FGF2: variants seen among roughly 807,000 people sequenced by gnomAD.
The protein encoded by FGF2 is basic fibroblast growth factor bFGF.
Under a neutral mutation model 15.9 loss-of-function variants are expected in FGF2, and 13 were observed. The observed-to-expected ratio is 0.82, with a 90% CI of 0.53 to 1.30. The LOEUF is 1.30. FGF2 is among the 50% of genes most tolerant of loss of function. The pLI is 0.00. For missense variants in FGF2, 163 were observed against 196.9 expected (o/e 0.83, Z 1.03); for synonymous variants, 90 against 78.4 (o/e 1.15, Z -0.78).
intron 2 of FGF2, among the ~76,000 whole-genome samples, chr4:122,890,994 T>C (rs1727162612): frequency 6.6e-6 from 1 of 151,854 alleles, no homozygotes; most frequent in African/African-American, 2.4e-5. Context: ...AGTGCTACCC[T>C]GTGAAGTTGC....
chr4:122,894,334 T>TA lies in FGF2; in HGVS notation c.*1939dup, dbSNP rs1475960483. The TA allele has an allele frequency of 6.6e-6, 1 of 152,350 alleles. No homozygotes were observed. Among genetic ancestry groups the TA allele is most frequent in the African/African-American group, 2.4e-5 (1 of 41,456 alleles). The allele number at this position is 152,350 out of a possible 1,614,324, so 9.4% of individuals were successfully genotyped here. A position where few individuals can be genotyped will look rare whatever the true frequency, so the allele number is the denominator to read the frequency against. On this transcript the variant is annotated 3_prime_UTR_variant, in exon 3 of 3. Transcript: ENST00000644866. Reference sequence around the variant, plus strand: ...GGCCGGGTGCAGTGGCTCATGCCTATATTCCCTGCACTTTGGGAGGCCAAA... The same window carrying TA: ...GGCCGGGTGCAGTGGCTCATGCCTATAATTCCCTGCACTTTGGGAGGCCAAA...
intron 1 of FGF2, among the ~76,000 whole-genome samples, chr4:122,843,855 A>G (rs770010525): frequency 2.0e-5 from 3 of 152,214 alleles, no homozygotes; most frequent in Non-Finnish European, 4.4e-5. Context: ...AAAAATGCTA[A>G]TGATCATCTG....
At chr4:122,832,951 C>T (rs891343255) in intron 1 of FGF2, among the ~76,000 whole-genome samples, 1 of 152,200 alleles carries the variant, frequency 6.6e-6, no homozygotes, top group African/African-American at 2.4e-5. Flanking sequence ...GGGGAACTCA[C>T]CCTTTGAGCC....
Position 122,827,076 on chromosome 4 carries a change from G to A in FGF2, c.-99G>A. ...GCTGGGGGGCCGGGGCCGGGGCCGT[G>A]CCCCGGAGCGGGTCGGAGGCCGGGG... On this transcript the variant is annotated 5_prime_UTR_variant, in exon 1 of 3. Transcript: ENST00000644866. This position sits in a 1 kb window ranked among gnomAD's most constrained non-coding sequence, Gnocchi z 4.2. 8.8e-7 allele frequency: 1 copy of A among 1,135,646 alleles called. No individual in the cohort carries two copies. The highest frequency in any genetic ancestry group is 1.1e-6 in the Non-Finnish European group (1 of 927,474). The allele number at this position is 1,135,646 out of a possible 1,614,324, so 70.3% of individuals were successfully genotyped here.
chr4:122,880,356 C>T (rs944906772), intron 2 of FGF2, among the ~76,000 whole-genome samples: 2 of 151,458 alleles, frequency 1.3e-5, no homozygotes, highest in African/African-American at 4.9e-5. Context: ...ACGCCATTCT[C>T]CTGCCTCAGC....
chr4:122,827,812 C>G lies in FGF2; in HGVS notation c.178+460C>G, dbSNP rs915134265. 6.6e-6 allele frequency among the ~76,000 whole-genome samples: 1 copy of G among 152,212 alleles called. No individual in the cohort carries two copies. The highest frequency in any genetic ancestry group is 6.5e-5 in the Admixed American group (1 of 15,286). On this transcript the variant is annotated intron_variant, in intron 1 of 2. Transcript: ENST00000644866. This position sits in a 1 kb window ranked among gnomAD's most constrained non-coding sequence, Gnocchi z 4.2. ...CTAGAGTCCTGCCCTTAAATTCCGA[C>G]TCGGGACGACCCGAGGCATATGGCA...
intron 1 of FGF2, among the ~76,000 whole-genome samples, chr4:122,856,024 C>T (rs1299636399): frequency 4.6e-5 from 7 of 152,032 alleles, no homozygotes; most frequent in Non-Finnish European, 7.4e-5. Flanking sequence ...AGCCCACAGA[C>T]CATATGTGTC....
chr4:122,835,818 T>A (rs2150763193), intron 1 of FGF2, among the ~76,000 whole-genome samples: 1 of 152,326 alleles, frequency 6.6e-6, no homozygotes, highest in African/African-American at 2.4e-5. Context: ...CATACCTTCC[T>A]GAAGCTGTAG....
intron 2 of FGF2, among the ~76,000 whole-genome samples, chr4:122,889,261 A>C (rs1727120185): frequency 6.6e-6 from 1 of 152,228 alleles, no homozygotes; most frequent in South Asian, 2.1e-4. Context: ...CTCAGCTCTT[A>C]GGCCTATATA....
intron 1 of FGF2, among the ~76,000 whole-genome samples, chr4:122,839,952 C>T (rs1049900336): frequency 3.9e-5 from 6 of 152,168 alleles, no homozygotes; most frequent in Admixed American, 3.3e-4. Flanking sequence ...CTTGGCTTGT[C>T]GATGGCCACT....
intron 2 of FGF2, among the ~76,000 whole-genome samples, chr4:122,879,181 A>G (rs1435607253): frequency 6.6e-6 from 1 of 152,174 alleles, no homozygotes; most frequent in South Asian, 2.1e-4. Flanking sequence ...CTGCCAATCT[A>G]TTGTCAGCTC....
intron 2 of FGF2, among the ~76,000 whole-genome samples, chr4:122,878,584 G>A (rs1385100811): frequency 1.3e-5 from 2 of 152,158 alleles, no homozygotes; most frequent in Admixed American, 6.5e-5. Context: ...GCAGTGGAGA[G>A]CCATGAAGAG....
At chr4:122,879,762 C>G (rs1046261532) in intron 2 of FGF2, among the ~76,000 whole-genome samples, 2 of 152,196 alleles carry the variant, frequency 1.3e-5, no homozygotes, top group Non-Finnish European at 2.9e-5. Flanking sequence ...GCAGAGAGAG[C>G]TTGTGCAGGG....
At chr4:122,884,069 A>G (rs1727011412) in intron 2 of FGF2, among the ~76,000 whole-genome samples, 1 of 152,256 alleles carries the variant, frequency 6.6e-6, no homozygotes, top group Non-Finnish European at 1.5e-5. Flanking sequence ...CAGTAATTGA[A>G]GAGGAATATA....
chr4:122,873,857 A>T (rs547879132), intron 1 of FGF2, among the ~76,000 whole-genome samples: 230 of 152,326 alleles, frequency 1.5e-3, no homozygotes, highest in African/African-American at 5.3e-3. Context: ...AGAATCTTAC[A>T]TGTAATGCTT....
At chr4:122,845,050 C>T (rs988671523) in intron 1 of FGF2, among the ~76,000 whole-genome samples, 2 of 152,222 alleles carry the variant, frequency 1.3e-5, no homozygotes, top group Non-Finnish European at 2.9e-5. Flanking sequence ...GTAGAAATTA[C>T]TTCTTGAACC....
chr4:122,839,998 C>T (rs1401050760), intron 1 of FGF2, among the ~76,000 whole-genome samples: 2 of 152,178 alleles, frequency 1.3e-5, no homozygotes, highest in Admixed American at 6.6e-5. Flanking sequence ...TTCCACTGTG[C>T]TTGTGTCTCT....
At chr4:122,862,467 G>A (rs973314225) in intron 1 of FGF2, among the ~76,000 whole-genome samples, 10 of 152,130 alleles carry the variant, frequency 6.6e-5, no homozygotes, top group African/African-American at 1.9e-4. Context: ...ATAATAATTT[G>A]GCTTTTTGGT....
At chr4:122,833,420 A>G (rs1725804059) in intron 1 of FGF2, among the ~76,000 whole-genome samples, 1 of 152,138 alleles carries the variant, frequency 6.6e-6, no homozygotes, top group Non-Finnish European at 1.5e-5. Flanking sequence ...ATTAAGCTAT[A>G]CATTAATTTA....
Sources: allele counts gnomAD v4.1 joint callset (sites outside exome capture counted in the v4.1 genomes callset), GRCh38; gene constraint gnomAD v4.1.1; non-coding constraint Gnocchi (gnomAD v3.1); transcripts MANE v1.5; gene names NCBI Gene and HGNC (gene_info 2026-07-23, HGNC 2026-07-21).